ADGRL2: variants seen among roughly 807,000 people sequenced by gnomAD.
The protein encoded by ADGRL2 is calcium-independent alpha-latrotoxin receptor 2.
In ADGRL2, 44 loss-of-function variants were observed where a neutral mutation model predicts 157.4. The observed-to-expected ratio is 0.28, with a 90% CI of 0.22 to 0.36. The LOEUF is 0.36. ADGRL2 is among the 10% of genes least tolerant of loss of function. The pLI, the probability that ADGRL2 is intolerant of heterozygous loss-of-function variation, is 1.00. For missense variants in ADGRL2, 1,510 were observed against 1,768.9 expected, an observed-to-expected ratio of 0.85 and a Z score of 2.63; for synonymous variants, 585 against 624.7, an observed-to-expected ratio of 0.94 and a Z score of 0.95.
At chr1:81,518,797 CAAA>C (rs202132760) in intron 2 of ADGRL2, among the ~76,000 whole-genome samples, 6 of 108,144 alleles carry the variant, frequency 5.5e-5, no homozygotes, top group Non-Finnish European at 2.1e-5. Context: ...GACCTTGTCT[CAAA>C]AAAAAAAAAA....
At position 81,967,886 on chromosome 1, in the gene ADGRL2, C is replaced by A. The variant is rs1216369563; in HGVS notation, c.2350-140C>A. Reference sequence around the variant, plus strand: ...AGATATCTGCCTTGTATAACATAGTCCACAATTTTGCTGATGAAAAACTTT... The same window carrying A: ...AGATATCTGCCTTGTATAACATAGTACACAATTTTGCTGATGAAAAACTTT... On this transcript the variant is annotated intron_variant, in intron 13 of 23. Coordinates refer to ENST00000686636, the MANE Select transcript of ADGRL2 (RefSeq NM_001366006.2). The A allele has an allele frequency of 5.9e-6, 4 of 676,388 alleles. No individual in the cohort carries two copies. The East Asian group carries it at 8.1e-5, about 14-fold the overall frequency. The allele number at this position is 676,388 out of a possible 1,614,324, so 41.9% of individuals were successfully genotyped here. A position where few individuals can be genotyped will look rare whatever the true frequency, so the allele number is the denominator to read the frequency against.
At chr1:81,862,414 T>C (rs1321622092) in intron 2 of ADGRL2, among the ~76,000 whole-genome samples, 1 of 152,200 alleles carries the variant, frequency 6.6e-6, no homozygotes, top group East Asian at 1.9e-4. Flanking sequence ...CCCTATCAAC[T>C]CTGACAGTTA....
chr1:81,659,368 A>G (rs1172404722), intron 3 of ADGRL2, among the ~76,000 whole-genome samples: 1 of 152,078 alleles, frequency 6.6e-6, no homozygotes, highest in Non-Finnish European at 1.5e-5. Flanking sequence ...AACCCTAGTT[A>G]CATTTTTGAG....
At chr1:81,642,313 G>A (rs2082236583) in intron 3 of ADGRL2, among the ~76,000 whole-genome samples, 1 of 150,278 alleles carries the variant, frequency 6.7e-6, no homozygotes, top group African/African-American at 2.5e-5. Flanking sequence ...CTAGCTGCTT[G>A]GGAGAATGAG....
chr1:81,744,145 G>A (rs149352920), intron 1 of ADGRL2, among the ~76,000 whole-genome samples: 1 of 152,236 alleles, frequency 6.6e-6, no homozygotes, highest in East Asian at 1.9e-4. Flanking sequence ...CCTGATAGAT[G>A]TTTAAGTATT....
Position 81,466,658 on chromosome 1 carries a change from ATCTCTC to A in ADGRL2, c.-248+21576_-248+21581del, listed in dbSNP as rs71641269. On this transcript the variant is annotated intron_variant, in intron 2 of 24. Coordinates refer to the ADGRL2 transcript ENST00000370721. ...TACAAGACATGTAATGACATATAAC[ATCTCTC>A]TCTCTCACGCGCGCGCACACACACA... 7.6e-5 allele frequency among the ~76,000 whole-genome samples: 9 copies of A among 118,026 alleles called. No individual in the cohort carries two copies. In the East Asian group the frequency reaches 1.8e-3, roughly 24 times the overall value. The allele number at this position is 118,026 out of a possible 152,430, so 77.4% of individuals were successfully genotyped here. A position where few individuals can be genotyped will look rare whatever the true frequency, so the allele number is the denominator to read the frequency against.
intron 1 of ADGRL2, among the ~76,000 whole-genome samples, chr1:81,415,664 A>G (rs2077020001): frequency 6.6e-6 from 1 of 152,188 alleles, no homozygotes; most frequent in Admixed American, 6.5e-5. Context: ...AGTATGACCC[A>G]AATCAGAGCA....
intron 1 of ADGRL2, among the ~76,000 whole-genome samples, chr1:81,802,421 T>G (rs190953918): frequency 7.2e-5 from 11 of 151,746 alleles, no homozygotes; most frequent in Admixed American, 3.3e-4. Flanking sequence ...CCCCCCAATC[T>G]CCTCTTGGAA....
intron 1 of ADGRL2, among the ~76,000 whole-genome samples, chr1:81,374,094 A>AC (rs2076205665): frequency 2.1e-5 from 3 of 143,376 alleles, no homozygotes; most frequent in African/African-American, 7.5e-5. Context: ...CACACACACA[A>AC]ACACCCTTAT....
intron 18 of ADGRL2, chr1:81,981,106 G>A: frequency 2.3e-6 from 1 of 441,326 alleles, no homozygotes; most frequent in Middle Eastern, 3.3e-4. Context: ...TCTCTTTTCT[G>A]CTTATAATGC....
chr1:81,509,477 T>C (rs1384175270), intron 2 of ADGRL2, among the ~76,000 whole-genome samples: 1 of 152,192 alleles, frequency 6.6e-6, no homozygotes, highest in African/African-American at 2.4e-5. Context: ...TTGTAACTGA[T>C]GTGGAACACG....
chr1:81,873,127 A>G (rs942471640), intron 2 of ADGRL2, among the ~76,000 whole-genome samples: 1 of 152,126 alleles, frequency 6.6e-6, no homozygotes, highest in Admixed American at 6.6e-5. Context: ...CCTATTTCCA[A>G]GATGGTATAG....
At chr1:81,585,516 A>G (rs143446857) in intron 3 of ADGRL2, among the ~76,000 whole-genome samples, 1 of 152,242 alleles carries the variant, frequency 6.6e-6, no homozygotes, top group East Asian at 1.9e-4. Flanking sequence ...GGACATATCA[A>G]ACAAACAGGA....
At chr1:81,393,377 G>A (rs575425310) in intron 1 of ADGRL2, among the ~76,000 whole-genome samples, 253 of 148,822 alleles carry the variant, frequency 1.7e-3, no homozygotes, top group Non-Finnish European at 2.8e-3. Flanking sequence ...AAAAAGCATT[G>A]TACATATGTA....
chr1:81,512,043 C>T (rs1301912900), intron 2 of ADGRL2, among the ~76,000 whole-genome samples: 1 of 152,092 alleles, frequency 6.6e-6, no homozygotes, highest in Non-Finnish European at 1.5e-5. Flanking sequence ...GCTTTTACCT[C>T]ATCGTGCTAA....
chr1:81,554,951 T>A (rs6702680), intron 2 of ADGRL2, among the ~76,000 whole-genome samples: 117,934 of 151,834 alleles, frequency 0.78, 46,066 homozygotes, highest in East Asian at 0.92. Flanking sequence ...GCACTAGCCT[T>A]CAAGGGAGAA....
chr1:81,363,765 A>T (rs145553315), intron 1 of ADGRL2, among the ~76,000 whole-genome samples: 269 of 152,256 alleles, frequency 1.8e-3, no homozygotes, highest in African/African-American at 6.3e-3. Context: ...AAGTTAAAAG[A>T]TTGCAGAAAA....
intron 2 of ADGRL2, among the ~76,000 whole-genome samples, chr1:81,483,278 A>C (rs2078429049): frequency 6.6e-6 from 1 of 152,214 alleles, no homozygotes; most frequent in African/African-American, 2.4e-5. Flanking sequence ...TAAGCCATTT[A>C]AAACAAAAAC....
chr1:81,527,900 T>C (rs953619898), intron 2 of ADGRL2, among the ~76,000 whole-genome samples: 22 of 151,584 alleles, frequency 1.5e-4, no homozygotes, highest in Admixed American at 1.3e-3. Context: ...ACCCCGTCTC[T>C]ACTAAAAATA....
Sources: gnomAD v4.1 joint callset for allele counts (sites outside exome capture counted in the v4.1 genomes callset) on GRCh38, gnomAD v4.1.1 for gene constraint, MANE v1.5 for transcripts, NCBI Gene and HGNC (gene_info 2026-07-23, HGNC 2026-07-21) for gene names.